ASTN2: variants seen among roughly 807,000 people sequenced by gnomAD.
ASTN2 encodes the protein astrotactin 2.
ASTN2 carries 54 observed loss-of-function variants against 139.8 expected under a neutral mutation model. That is an observed-to-expected ratio of 0.39 (90% CI 0.31 to 0.48). ASTN2 has a LOEUF of 0.48. Among genes scored for constraint, ASTN2 ranks in the 20% least tolerant of loss-of-function variants. The probability of loss-of-function intolerance (pLI) is 0.95; values close to 1 mark genes in which losing one functional copy is unlikely to be tolerated. For missense variants in ASTN2, 1,565 were observed against 1,725.1 expected, an observed-to-expected ratio of 0.91 and a Z score of 1.64; for synonymous variants, 756 against 719.5, an observed-to-expected ratio of 1.05 and a Z score of -0.81.
chr9:117,151,825 T>C (rs566040493), intron 3 of ASTN2, among the ~76,000 whole-genome samples: 1 of 152,294 alleles, frequency 6.6e-6, no homozygotes, highest in South Asian at 2.1e-4. Flanking sequence ...GAGAGCCTGC[T>C]GTTTTCTACC....
intron 2 of ASTN2, among the ~76,000 whole-genome samples, chr9:117,250,133 C>A (rs1411551545): frequency 6.6e-6 from 1 of 152,204 alleles, no homozygotes; most frequent in African/African-American, 2.4e-5. Context: ...CATTTCAACA[C>A]ACACACCCAC....
intron 17 of ASTN2, among the ~76,000 whole-genome samples, chr9:116,645,133 G>C (rs1464047862): frequency 2.0e-5 from 3 of 152,106 alleles, no homozygotes; most frequent in Admixed American, 2.0e-4. Context: ...GCAGAGAAGG[G>C]ATTCAAATCC....
intron 2 of ASTN2, among the ~76,000 whole-genome samples, chr9:117,264,684 G>A (rs969979987): frequency 6.6e-6 from 1 of 152,180 alleles, no homozygotes; most frequent in Non-Finnish European, 1.5e-5. Flanking sequence ...CATATTCTCG[G>A]CTTACATCCA....
chr9:117,099,543 T>C (rs1326709813), intron 4 of ASTN2, among the ~76,000 whole-genome samples: 1 of 152,226 alleles, frequency 6.6e-6, no homozygotes, highest in Non-Finnish European at 1.5e-5. Flanking sequence ...AAGCGAACAC[T>C]TGCATAGTGC....
At chr9:116,753,383 G>T (rs1190702465) in intron 13 of ASTN2, among the ~76,000 whole-genome samples, 1 of 152,168 alleles carries the variant, frequency 6.6e-6, no homozygotes, top group African/African-American at 2.4e-5. Context: ...TGGAGCACAG[G>T]GGATTTTTAG....
At chr9:117,088,291 C>T (rs1271107296) in intron 5 of ASTN2, among the ~76,000 whole-genome samples, 1 of 152,164 alleles carries the variant, frequency 6.6e-6, no homozygotes, top group Non-Finnish European at 1.5e-5. Flanking sequence ...CCCCCTTCCC[C>T]AGTGTACCAC....
chr9:117,290,446 T>C (rs980806932), intron 2 of ASTN2, among the ~76,000 whole-genome samples: 1 of 152,206 alleles, frequency 6.6e-6, no homozygotes, highest in Non-Finnish European at 1.5e-5. Context: ...ATTCCAGCCC[T>C]AGTAACCTTC....
chr9:116,839,892 T>A (rs12236722), intron 11 of ASTN2, among the ~76,000 whole-genome samples: 26,023 of 142,396 alleles, frequency 0.18, 2,796 homozygotes, highest in East Asian at 0.48. Context: ...TTTTTTTTTT[T>A]TTAATTGATC....
chr9:116,632,205 A>AAAGAAAAAGAAAG (rs767242462), intron 17 of ASTN2, among the ~76,000 whole-genome samples: 1 of 45,306 alleles, frequency 2.2e-5, no homozygotes, highest in South Asian at 8.0e-4. Context: ...AGAAAGAAAG[A>AAAGAAAAAGAAAG]AAAGAAAGAA....
At chr9:117,078,821 C>T (rs1828346781) in intron 5 of ASTN2, among the ~76,000 whole-genome samples, 1 of 152,174 alleles carries the variant, frequency 6.6e-6, no homozygotes, top group South Asian at 2.1e-4. Context: ...CTGCAACCTC[C>T]ACCTCCCAGG....
At chr9:116,912,113 G>A (rs914795063) in intron 10 of ASTN2, among the ~76,000 whole-genome samples, 2 of 152,216 alleles carry the variant, frequency 1.3e-5, no homozygotes, top group Non-Finnish European at 2.9e-5. Context: ...ATGTGACTGT[G>A]TCTAAGGTCT....
At chr9:116,459,987 A>G (rs1848438576) in intron 20 of ASTN2, among the ~76,000 whole-genome samples, 1 of 152,158 alleles carries the variant, frequency 6.6e-6, no homozygotes, top group South Asian at 2.1e-4. Context: ...AACAGCCAAA[A>G]AGTGAAAAAT....
chr9:117,146,117 A>G (rs1425845733), intron 3 of ASTN2, among the ~76,000 whole-genome samples: 1 of 150,708 alleles, frequency 6.6e-6, no homozygotes, highest in Non-Finnish European at 1.5e-5. Flanking sequence ...CCTGCATACA[A>G]CTCCCCCTAT....
intron 13 of ASTN2, among the ~76,000 whole-genome samples, chr9:116,768,737 T>C (rs1195529828): frequency 6.6e-6 from 1 of 152,202 alleles, no homozygotes; most frequent in Non-Finnish European, 1.5e-5. Context: ...GCACTGTCTG[T>C]GAGCTAGAAA....
chr9:116,775,608 AGAAG>A (rs534452959), intron 13 of ASTN2, among the ~76,000 whole-genome samples: 65 of 34,870 alleles, frequency 1.9e-3, no homozygotes, highest in African/African-American at 3.5e-3. Context: ...AGGGAGGGAA[AGAAG>A]GAAGGAAGGA....
intron 1 of ASTN2, among the ~76,000 whole-genome samples, chr9:117,339,026 T>A (rs1304455451): frequency 6.6e-6 from 1 of 152,076 alleles, no homozygotes; most frequent in Non-Finnish European, 1.5e-5. Flanking sequence ...ATGGGGGAGC[T>A]GTAGACCTGG....
At chr9:117,181,405 A>G (rs1831063342) in intron 3 of ASTN2, among the ~76,000 whole-genome samples, 1 of 152,146 alleles carries the variant, frequency 6.6e-6, no homozygotes, top group Non-Finnish European at 1.5e-5. Flanking sequence ...CTGTTTACTC[A>G]ACTCTCTTAC....
intron 10 of ASTN2, among the ~76,000 whole-genome samples, chr9:116,878,041 T>TA (rs1430953435): frequency 6.6e-6 from 1 of 152,178 alleles, no homozygotes; most frequent in East Asian, 1.9e-4. Flanking sequence ...TGGCAGTTTT[T>TA]AAAAAGTCAA....
intron 11 of ASTN2, among the ~76,000 whole-genome samples, chr9:116,825,081 C>T (rs1340929849): frequency 1.3e-5 from 2 of 152,180 alleles, no homozygotes; most frequent in African/African-American, 4.8e-5. Context: ...CTGTCACTTG[C>T]TTGCCTCGTG....
Sources: allele counts gnomAD v4.1 joint callset (sites outside exome capture counted in the v4.1 genomes callset), GRCh38; gene constraint gnomAD v4.1.1; transcripts MANE v1.5; gene names NCBI Gene and HGNC (gene_info 2026-07-23, HGNC 2026-07-21).